Variants in ETFA observed in about 807,000 individuals in gnomAD.
ETFA encodes electron transfer flavoprotein subunit alpha, mitochondrial.
Under a neutral mutation model 46.2 loss-of-function variants are expected in ETFA, and 22 were observed. The ratio of observed to expected loss-of-function variants is 0.48; its 90% CI spans 0.34 to 0.68. The LOEUF is 0.68. Among genes scored for constraint, ETFA ranks in the 30% least tolerant of loss-of-function variants. ETFA has a pLI of 0.01. For missense variants in ETFA, 345 were observed against 401.1 expected, an observed-to-expected ratio of 0.86 and a Z score of 1.19; for synonymous variants, 131 against 139.9, an observed-to-expected ratio of 0.94 and a Z score of 0.45.
chr15:76,277,853 A>C (rs1466437971), intron 8 of ETFA, among the ~76,000 whole-genome samples: 1 of 152,078 alleles, frequency 6.6e-6, no homozygotes, highest in Non-Finnish European at 1.5e-5. Flanking sequence ...ACAAGACTTC[A>C]AGTCCCCCTA....
chr15:76,264,741 A>C (rs2141501393), intron 9 of ETFA, among the ~76,000 whole-genome samples: 1 of 152,246 alleles, frequency 6.6e-6, no homozygotes, highest in Non-Finnish European at 1.5e-5. Flanking sequence ...ACATAAGGCT[A>C]CTCTTTTAGC....
intron 11 of ETFA, among the ~76,000 whole-genome samples, chr15:76,219,640 G>A (rs79641522): frequency 0.024 from 3,639 of 152,258 alleles, 143 homozygotes; most frequent in African/African-American, 0.084. Flanking sequence ...AAGAGAAACA[G>A]CCCAACTGAA....
intron 9 of ETFA, among the ~76,000 whole-genome samples, chr15:76,235,156 A>T (rs975226051): frequency 5.9e-5 from 9 of 152,176 alleles, no homozygotes; most frequent in Non-Finnish European, 1.0e-4. Flanking sequence ...CTCCTGCTTT[A>T]TAGGGTTACT....
At position 76,247,041 on chromosome 15, in the gene ETFA, A is replaced by G. The variant is rs566129676; in HGVS notation, c.817-15643T>C. Reference sequence around the variant, plus strand: ...TGAAACTGCCTAAACAAGTGGAGAAATAAAATCATGGTCACAGATAGAAGA... The same window carrying G: ...TGAAACTGCCTAAACAAGTGGAGAAGTAAAATCATGGTCACAGATAGAAGA... On this transcript the variant is annotated intron_variant, in intron 9 of 11. Transcript: ENST00000557943. 4.8e-4 allele frequency among the ~76,000 whole-genome samples: 73 copies of G among 152,336 alleles called. 1 individual carries two copies. In the South Asian group the frequency reaches 0.015, roughly 31 times the overall value.
intron 9 of ETFA, among the ~76,000 whole-genome samples, chr15:76,245,560 T>C (rs1383658481): frequency 1.3e-5 from 2 of 152,248 alleles, no homozygotes; most frequent in African/African-American, 4.8e-5. Flanking sequence ...CAAAATTTAT[T>C]ATCTTGATAC....
intron 9 of ETFA, chr15:76,261,266 G>C (rs1271905298): frequency 2.5e-6 from 4 of 1,573,302 alleles, no homozygotes; most frequent in Admixed American, 1.7e-5. Flanking sequence ...GGCACTGCCA[G>C]ATCTTTTGGC....
chr15:76,309,832 T>C (rs895311301), intron 1 of ETFA: 3 of 152,174 alleles, frequency 2.0e-5, no homozygotes, highest in African/African-American at 4.8e-5. Context: ...GGAGAAAACA[T>C]GTCCTGAGGG....
At position 76,259,896 on chromosome 15, in the gene ETFA, T is replaced by A; in HGVS notation, c.816+14516A>T. 3 of 1,259,880 alleles carry A rather than the reference T, an allele frequency of 2.4e-6. No individual in the cohort carries two copies. In the South Asian group the frequency reaches 3.6e-5, roughly 15 times the overall value. The allele number at this position is 1,259,880 out of a possible 1,614,324, so 78.0% of individuals were successfully genotyped here. A position where few individuals can be genotyped will look rare whatever the true frequency, so the allele number is the denominator to read the frequency against. ...TCCCCATGCTTCATGAAGGGCAAGA[T>A]GACCACGGGGATGGGGTGACAGCCT... On this transcript the variant is annotated intron_variant, in intron 9 of 11. Transcript: ENST00000557943.
intron 9 of ETFA, among the ~76,000 whole-genome samples, chr15:76,233,325 CTTTTTTTTTTT>C (rs66595585): frequency 1.2e-5 from 1 of 84,472 alleles, no homozygotes; most frequent in Non-Finnish European, 2.2e-5. Flanking sequence ...ATTCAATAGG[CTTTTTTTTTTT>C]TTTTTTTTTT....
intron 1 of ETFA, among the ~76,000 whole-genome samples, chr15:76,301,299 G>T (rs3915459): frequency 0.28 from 43,158 of 152,010 alleles, 6,582 homozygotes; most frequent in East Asian, 0.58. Flanking sequence ...TTGTCTTCTC[G>T]TCCCCCTTTG....
intron 9 of ETFA, among the ~76,000 whole-genome samples, chr15:76,235,667 A>G (rs1480437942): frequency 6.6e-6 from 1 of 152,174 alleles, no homozygotes; most frequent in African/African-American, 2.4e-5. Flanking sequence ...TAACAATTAC[A>G]GGTTACGGCA....
At chr15:76,225,409 C>T (rs1464259284) in intron 11 of ETFA, among the ~76,000 whole-genome samples, 1 of 152,108 alleles carries the variant, frequency 6.6e-6, no homozygotes, top group Non-Finnish European at 1.5e-5. Context: ...CTGCCTCAGC[C>T]TCCCGAGTAG....
At chr15:76,244,148 G>T (rs1242737205) in intron 9 of ETFA, among the ~76,000 whole-genome samples, 2 of 152,122 alleles carry the variant, frequency 1.3e-5, no homozygotes, top group African/African-American at 4.8e-5. Context: ...GCCTCCCAAA[G>T]TTCTGGGATT....
At chr15:76,301,096 GT>G (rs2039875945) in intron 1 of ETFA, among the ~76,000 whole-genome samples, 1 of 152,154 alleles carries the variant, frequency 6.6e-6, no homozygotes, top group Non-Finnish European at 1.5e-5. Context: ...TCATAGAGTT[GT>G]TGTGAGGGTT....
At chr15:76,222,228 TAA>T (rs2142105192) in intron 11 of ETFA, among the ~76,000 whole-genome samples, 1 of 148,224 alleles carries the variant, frequency 6.7e-6, no homozygotes, top group African/African-American at 2.4e-5. Flanking sequence ...ATTATAATTT[TAA>T]AATATAATTA....
In ETFA at chr15:76,260,323, G is replaced by C; in HGVS notation, c.816+14089C>G. ...CGGGAAATGACACTGTCAAAGCCTT[G>C]CCCAAACCACGTCTCTTTCGGTCTC... On this transcript the variant is annotated intron_variant, in intron 9 of 11. Transcript: ENST00000557943. 2.3e-6 allele frequency: 3 copies of C among 1,309,746 alleles called. No homozygotes were observed. The South Asian group carries it at 3.6e-5, about 16-fold the overall frequency. 81.1% of individuals were successfully genotyped at this position (1,309,746 alleles called of 1,614,324 possible).
At chr15:76,256,262 G>GAAAA (rs59670988) in intron 9 of ETFA, among the ~76,000 whole-genome samples, 5 of 95,626 alleles carry the variant, frequency 5.2e-5, no homozygotes, top group East Asian at 3.3e-4. Context: ...CCGTCTCAAG[G>GAAAA]AAAAAAAAAA....
intron 9 of ETFA, among the ~76,000 whole-genome samples, chr15:76,246,123 GT>G (rs2039240855): frequency 1.3e-5 from 2 of 152,170 alleles, no homozygotes; most frequent in Admixed American, 6.5e-5. Context: ...ACCAGGCACA[GT>G]TTTTAAGTGT....
At chr15:76,296,567 T>C (rs1360125367) in intron 1 of ETFA, among the ~76,000 whole-genome samples, 4 of 152,164 alleles carry the variant, frequency 2.6e-5, no homozygotes, top group African/African-American at 9.7e-5. Flanking sequence ...ACCAAAATAA[T>C]TGATAATGGA....
Sources: allele counts gnomAD v4.1 joint callset (sites outside exome capture counted in the v4.1 genomes callset), GRCh38; gene constraint gnomAD v4.1.1; transcripts MANE v1.5; gene names NCBI Gene and HGNC (gene_info 2026-07-23, HGNC 2026-07-21).